Variants in EPS8L3 observed in about 807,000 individuals in gnomAD.
EPS8L3 encodes epidermal growth factor receptor kinase substrate 8-like protein 3.
In EPS8L3, 80 loss-of-function variants were observed where a neutral mutation model predicts 88.5. The ratio of observed to expected loss-of-function variants is 0.90; its 90% confidence interval spans 0.75 to 1.09. The LOEUF (loss-of-function observed/expected upper bound fraction) is 1.09, where lower values mean the gene tolerates loss of function less well. Ranked by LOEUF, EPS8L3 falls within the 50% of genes least tolerant of loss-of-function variation. The pLI, the probability that EPS8L3 is intolerant of heterozygous loss-of-function variation, is 0.00. For synonymous variants in EPS8L3, 286 were observed against 291.0 expected (o/e 0.98, Z 0.18); for missense variants, 721 against 735.2 (o/e 0.98, Z 0.22).
intron 1 of EPS8L3, among the ~76,000 whole-genome samples, chr1:109,763,020 T>C (rs1038716022): frequency 6.6e-6 from 1 of 152,218 alleles, no homozygotes; most frequent in African/African-American, 2.4e-5. Flanking sequence ...TCCACATGTC[T>C]ACATGGTACA....
intron 12 of EPS8L3, among the ~76,000 whole-genome samples, chr1:109,754,388 A>G (rs1374818388): frequency 6.6e-6 from 1 of 152,252 alleles, no homozygotes; most frequent in Non-Finnish European, 1.5e-5. Flanking sequence ...TTATCTAAAT[A>G]TAATTTGCTT....
At chr1:109,757,576 C>T (rs751064978) in intron 10 of EPS8L3, 21 bp from the exon 11 acceptor site, 2 of 1,605,878 alleles carry the variant, frequency 1.2e-6, no homozygotes, top group Non-Finnish European at 8.5e-7. Context: ...AGAGCAATGC[C>T]TGTCACCACC....
rs1649851615 is a variant in EPS8L3 at position 109,752,091 on chromosome 1, G to C, written c.1338C>G (p.Pro446=). ...TTTTCAGGGCTGGCTGGGCAGGTTT[G>C]GGGCTGGAGGGCCTGGAGTTGGGGT... ...PGDPNSRPSS[P]KPAQPALKMQ... is the part of the protein sequence containing the mutation. Residue 446 remains proline (P), a synonymous_variant, in exon 15 of 19, where the codon CCC becomes CCG. Coordinates refer to ENST00000361965, the MANE Select transcript of EPS8L3 (RefSeq NM_133181.4). 5.0e-6 allele frequency: 8 copies of C among 1,614,016 alleles called. No individual in the cohort carries two copies. Among genetic ancestry groups the C allele is most frequent in the Non-Finnish European group, 6.8e-6 (8 of 1,180,030 alleles).
At chr1:109,761,649 G>A in intron 2 of EPS8L3, 70 bp downstream of exon 2, 2 of 1,606,964 alleles carry the variant, frequency 1.2e-6, no homozygotes, top group Admixed American at 1.7e-5. Flanking sequence ...GTGAGGAAGG[G>A]GGAGTGGAGG....
At chr1:109,751,534 G>C (rs1355389586) in intron 16 of EPS8L3, 120 bp downstream of exon 16, 1 of 1,477,562 alleles carries the variant, frequency 6.8e-7, no homozygotes, top group African/African-American at 1.4e-5. Context: ...GGCACACTAA[G>C]CATGCAATAA....
In EPS8L3 at chr1:109,757,278, C is replaced by T. The variant is rs985892282; in HGVS notation, c.970-113G>A. 1.4e-5 allele frequency: 19 copies of T among 1,329,018 alleles called. No homozygotes were observed. In the East Asian group the frequency reaches 3.0e-4, roughly 21 times the overall value. 82.3% of individuals were successfully genotyped at this position (1,329,018 alleles called of 1,614,324 possible). A position where few individuals can be genotyped will look rare whatever the true frequency, so the allele number is the denominator to read the frequency against. On this transcript the variant is annotated intron_variant, in intron 11 of 18. Coordinates refer to ENST00000361965, the MANE Select transcript of EPS8L3 (RefSeq NM_133181.4). ...CTTTTGCAATGGTAGGATGTTACCT[C>T]CTGCAAGGGGCCCCATCTGCCTTGG...
In EPS8L3 at chr1:109,754,930, T is replaced by C. The variant is rs72705249; in HGVS notation, c.1119-1732A>G. On this transcript the variant is annotated intron_variant, in intron 12 of 18. Coordinates refer to ENST00000361965, the MANE Select transcript of EPS8L3 (RefSeq NM_133181.4). The stretch of plus-strand genomic sequence containing the variant: ...TGGGAGGTCCAGAACTGATAAGTAA[T>C]TTCATTTTAGTGACTGCACAGACAG... Among the ~76,000 whole-genome samples the C allele has an allele frequency of 3.7e-3, 564 of 152,322 alleles. 1 individual carries two copies. Among genetic ancestry groups the C allele is most frequent in the Non-Finnish European group, 6.4e-3 (434 of 68,028 alleles).
At chr1:109,753,716 C>T (rs6676743) in intron 12 of EPS8L3, among the ~76,000 whole-genome samples, 92,879 of 152,090 alleles carry the variant, frequency 0.61, 28,643 homozygotes, top group East Asian at 0.83. Flanking sequence ...GCCTCCCCCT[C>T]GCCCATTACA....
chr1:109,750,311 A>C lies in EPS8L3; in HGVS notation c.*80T>G. The C allele has an allele frequency of 3.2e-6, 5 of 1,561,234 alleles. No homozygotes were observed. Among genetic ancestry groups the C allele is most frequent in the Non-Finnish European group, 4.4e-6 (5 of 1,140,070 alleles). On this transcript the variant is annotated 3_prime_UTR_variant, in exon 19 of 19. Coordinates refer to ENST00000361965, the MANE Select transcript of EPS8L3 (RefSeq NM_133181.4). The stretch of plus-strand genomic sequence containing the variant: ...CTGCAAACTGGGATCCAGAAGAGGA[A>C]TTCTCGGGGCTCTAATGGGTATCAG...
At chr1:109,761,694 G>A (rs1210014575) in intron 2 of EPS8L3, 25 bp downstream of exon 2, 1 of 1,613,780 alleles carries the variant, frequency 6.2e-7, no homozygotes, top group Non-Finnish European at 8.5e-7. Context: ...GGAGGGCACG[G>A]GAGAGGGGCC....
chr1:109,763,546 GC>G (rs1366252495), intron 1 of EPS8L3, among the ~76,000 whole-genome samples: 1 of 152,174 alleles, frequency 6.6e-6, no homozygotes, highest in Non-Finnish European at 1.5e-5. Context: ...CCCCCTTTAA[GC>G]CCTAGATGTA....
rs912026300 is a variant in EPS8L3, at chr1:109,753,116, C to A, written c.1200+1G>T. The A allele has an allele frequency of 6.2e-7, 1 of 1,613,014 alleles. No individual in the cohort carries two copies. The highest frequency in any genetic ancestry group is 8.5e-7 in the Non-Finnish European group (1 of 1,179,304). ...AGGGCTCTATGCCAAGCTCCCCTTA[C>A]TTGGCTGGAGGGCTCTGGAAGTTGC... On this transcript the variant is annotated splice_donor_variant, in intron 13 of 18. Coordinates refer to ENST00000361965, the MANE Select transcript of EPS8L3 (RefSeq NM_133181.4). LOFTEE classifies it high-confidence loss of function.
chr1:109,750,587 C>A, intron 18 of EPS8L3, 73 bp downstream of exon 18: 1 of 1,606,504 alleles, frequency 6.2e-7, no homozygotes. Context: ...GCAGGCTTTT[C>A]CAACTGGCCC....
Position 109,758,421 on chromosome 1 carries a change from T to C in EPS8L3, c.612A>G (p.Pro204=). 2 of 1,606,478 alleles carry C rather than the reference T, an allele frequency of 1.2e-6. No homozygotes were observed. Among genetic ancestry groups the C allele is most frequent in the South Asian group, 1.1e-5 (1 of 90,244 alleles). ...HQRTLEHSLP[P]SPRPLPRHTS... ...TGTGGCGTGGCAGGGGCCTTGGGGA[T>C]GGTGGGAGGCCTGCAGTGTAAGGGG... The change falls in exon 8 of 19, where the codon CCA becomes CCG. Residue 204 remains proline, a synonymous_variant. Transcript: ENST00000361965.
intron 17 of EPS8L3, 106 bp downstream of exon 17, chr1:109,751,172 G>T (rs1037307383): frequency 1.1e-5 from 10 of 948,696 alleles, no homozygotes; most frequent in Non-Finnish European, 1.6e-5. Flanking sequence ...GCTGGATCGG[G>T]GTCATGTACA....
chr1:109,750,560 G>A, intron 18 of EPS8L3, 100 bp downstream of exon 18: 1 of 1,592,818 alleles, frequency 6.3e-7, no homozygotes, highest in Non-Finnish European at 8.6e-7. Flanking sequence ...ACTCAGTTCT[G>A]CCCCAGGGCT....
intron 17 of EPS8L3, 80 bp downstream of exon 17, chr1:109,751,198 T>C: frequency 7.9e-7 from 1 of 1,265,274 alleles, no homozygotes; most frequent in African/African-American, 1.5e-5. Flanking sequence ...GGCCAGGTTG[T>C]ATGTTCTGGG....
In EPS8L3 at chr1:109,763,499, G is replaced by A. The variant is rs377022396; in HGVS notation, c.-25+323C>T. On this transcript the variant is annotated intron_variant, in intron 1 of 18. Transcript: ENST00000361965. ...AGAGGGAGCTGGCTTGGCCTGCCTT[G>A]CCCCTTAGGGGTAGGGGAGCTGTGA... is the stretch of plus-strand genomic sequence containing the variant. 1.4e-4 allele frequency among the ~76,000 whole-genome samples: 21 copies of A among 152,264 alleles called. 1 individual carries two copies. The East Asian group carries it at 3.9e-3, about 28-fold the overall frequency.
At chr1:109,760,267 A>C (rs928397983) in intron 3 of EPS8L3, among the ~76,000 whole-genome samples, 2 of 151,924 alleles carry the variant, frequency 1.3e-5, no homozygotes, top group Non-Finnish European at 2.9e-5. Context: ...CTCCTCACTC[A>C]CCCAGCATTC....
Sources: gnomAD v4.1 joint callset for allele counts (sites outside exome capture counted in the v4.1 genomes callset) on GRCh38, gnomAD v4.1.1 for gene constraint, MANE v1.5 for transcripts, NCBI Gene and HGNC (gene_info 2026-07-23, HGNC 2026-07-21) for gene names.